The following SHLD1 variants were observed in gnomAD, a reference collection of about 807,000 sequenced individuals.
SHLD1 encodes the protein shieldin complex subunit 1.
A neutral mutation model predicts 5.5 loss-of-function variants in SHLD1; 3 were observed. The observed-to-expected ratio is 0.54, with a 90% confidence interval of 0.25 to 1.40. SHLD1 has a LOEUF of 1.40. Ranked by LOEUF, SHLD1 falls within the 40% of genes most tolerant of loss-of-function variation. The pLI is 0.15. For synonymous variants in SHLD1, 92 were observed against 94.3 expected (o/e 0.98, Z 0.14); for missense variants, 210 against 244.4 (o/e 0.86, Z 0.94).
chr20:5,767,017 G>A (rs1984869363), intron 1 of SHLD1, among the ~76,000 whole-genome samples: 2 of 152,178 alleles, frequency 1.3e-5, no homozygotes, highest in African/African-American at 2.4e-5. Context: ...TCTGAAAACT[G>A]TTTCTTTTCC....
chr20:5,766,218 G>A (rs1165542893), intron 1 of SHLD1, among the ~76,000 whole-genome samples: 1 of 152,160 alleles, frequency 6.6e-6, no homozygotes, highest in Non-Finnish European at 1.5e-5. Flanking sequence ...GCCTGGTGCA[G>A]AGGTGTTTGC....
intron 2 of SHLD1, among the ~76,000 whole-genome samples, chr20:5,826,822 A>G (rs2087670953): frequency 6.6e-6 from 1 of 152,166 alleles, no homozygotes; most frequent in Non-Finnish European, 1.5e-5. Context: ...ATTCTGTGAA[A>G]GCCTGGGGAA....
At chr20:5,764,720 A>T (rs182487057) in intron 1 of SHLD1, among the ~76,000 whole-genome samples, 470 of 152,212 alleles carry the variant, frequency 3.1e-3, no homozygotes, top group African/African-American at 0.011. Context: ...AATGTGTTTT[A>T]AAAATATGAT....
intron 2 of SHLD1, among the ~76,000 whole-genome samples, chr20:5,817,969 G>A (rs2087558778): frequency 6.6e-6 from 1 of 152,328 alleles, no homozygotes; most frequent in South Asian, 2.1e-4. Context: ...GGCACATCTT[G>A]CGTCCCTTCT....
At chr20:5,763,684 G>C (rs1457226686) in intron 1 of SHLD1, among the ~76,000 whole-genome samples, 2 of 152,114 alleles carry the variant, frequency 1.3e-5, no homozygotes, top group Non-Finnish European at 2.9e-5. Context: ...AAAAGGCACA[G>C]ACCACCGGCA....
At chr20:5,829,569 A>G (rs1423899418) in intron 2 of SHLD1, among the ~76,000 whole-genome samples, 3 of 152,220 alleles carry the variant, frequency 2.0e-5, no homozygotes, top group African/African-American at 7.2e-5. Flanking sequence ...CTTAGAGAAG[A>G]TTAACTCCGC....
chr20:5,853,432 C>T (rs945710625), intron 2 of SHLD1, among the ~76,000 whole-genome samples: 3 of 151,988 alleles, frequency 2.0e-5, no homozygotes, highest in Non-Finnish European at 2.9e-5. Flanking sequence ...AGCGACAGAT[C>T]GAGACTCCAT....
At chr20:5,775,383 A>G (rs556865931) in intron 2 of SHLD1, among the ~76,000 whole-genome samples, 1 of 152,316 alleles carries the variant, frequency 6.6e-6, no homozygotes, top group African/African-American at 2.4e-5. Flanking sequence ...GAAATACTTC[A>G]AGGCAATGGC....
At chr20:5,819,993 G>T (rs1387461816) in intron 2 of SHLD1, among the ~76,000 whole-genome samples, 1 of 152,158 alleles carries the variant, frequency 6.6e-6, no homozygotes, top group Non-Finnish European at 1.5e-5. Flanking sequence ...GCCCAGACAG[G>T]CTGGAGTGCA....
chr20:5,860,370 A>G (rs1156866019), intron 2 of SHLD1, among the ~76,000 whole-genome samples: 1 of 152,180 alleles, frequency 6.6e-6, no homozygotes. Flanking sequence ...TTTAAAACAA[A>G]GAGCCCTTTT....
chr20:5,863,292 G>T lies in SHLD1; in HGVS notation c.447G>T (p.Arg149=). 1 of 1,614,180 alleles carries T rather than the reference G, an allele frequency of 6.2e-7. No individual in the cohort carries two copies. The highest frequency in any genetic ancestry group is 8.5e-7 in the Non-Finnish European group (1 of 1,180,034). The change falls in exon 3 of 3, where the codon CGG becomes CGT. Residue 149 remains arginine (R), a synonymous_variant. Coordinates refer to ENST00000303142, the MANE Select transcript of SHLD1 (RefSeq NM_152504.4). ...CCCTCCGCAGTTTTCAAATGGCCCG[G>T]GTGATCTTCAACCGGGACGGCTGCT... The part of the protein sequence containing the change: ...KYALRSFQMA[R]VIFNRDGCSV...
chr20:5,780,669 G>T (rs1327280949), intron 2 of SHLD1, among the ~76,000 whole-genome samples: 1 of 152,198 alleles, frequency 6.6e-6, no homozygotes. Context: ...CCTTGCAGCT[G>T]CCCCTGACCA....
intron 2 of SHLD1, among the ~76,000 whole-genome samples, chr20:5,849,687 C>T (rs913318766): frequency 2.6e-5 from 4 of 152,278 alleles, no homozygotes; most frequent in South Asian, 2.1e-4. Context: ...GGGCCGGGCG[C>T]GGTGGCTCAC....
At chr20:5,760,880 T>C (rs1302951563) in intron 1 of SHLD1, among the ~76,000 whole-genome samples, 3 of 152,058 alleles carry the variant, frequency 2.0e-5, no homozygotes, top group African/African-American at 7.2e-5. Context: ...TTGACACTTG[T>C]TCACCTAGAG....
At chr20:5,771,452 G>A (rs1353171635) in intron 1 of SHLD1, among the ~76,000 whole-genome samples, 9 of 152,158 alleles carry the variant, frequency 5.9e-5, no homozygotes, top group Non-Finnish European at 2.9e-5. Context: ...ATGGCTTGGT[G>A]TCACTTGTTT....
chr20:5,772,862 G>T lies in SHLD1; in HGVS notation c.-4G>T. 6.2e-7 allele frequency: 1 copy of T among 1,610,378 alleles called. No homozygotes were observed. On this transcript the variant is annotated splice_region_variant and 5_prime_UTR_variant, in exon 2 of 3. Coordinates refer to ENST00000303142, the MANE Select transcript of SHLD1 (RefSeq NM_152504.4). ...AATTGTTTTCTTTTTTCCATGGCAGGACTATGGCAGCCAGGGACGCCACTT... is the reference window on the plus strand; with the variant it reads ...AATTGTTTTCTTTTTTCCATGGCAGTACTATGGCAGCCAGGGACGCCACTT...
At chr20:5,774,524 T>G (rs1476915859) in intron 2 of SHLD1, among the ~76,000 whole-genome samples, 1 of 152,164 alleles carries the variant, frequency 6.6e-6, no homozygotes, top group African/African-American at 2.4e-5. Context: ...AAAAGAGGTT[T>G]AATTGGCTCA....
intron 1 of SHLD1, among the ~76,000 whole-genome samples, chr20:5,755,693 G>A (rs1377748623): frequency 6.6e-6 from 1 of 151,938 alleles, no homozygotes; most frequent in Non-Finnish European, 1.5e-5. Flanking sequence ...CCCAGTAGCT[G>A]GGATTACAGG....
rs147205300 is a variant in SHLD1 at position 5,812,523 on chromosome 20, C to T, written c.178+39480C>T. 1.9e-4 allele frequency among the ~76,000 whole-genome samples: 29 copies of T among 152,242 alleles called. No individual in the cohort carries two copies. In the East Asian group the frequency reaches 5.2e-3, roughly 27 times the overall value. ...ATTTTTGAACAAGTGAACGAGTGGCCTCTTGTAAGACAACAGAGCCAGAAG... is the reference window on the plus strand; with the variant it reads ...ATTTTTGAACAAGTGAACGAGTGGCTTCTTGTAAGACAACAGAGCCAGAAG... On this transcript the variant is annotated intron_variant, in intron 2 of 2. Coordinates refer to ENST00000303142, the MANE Select transcript of SHLD1 (RefSeq NM_152504.4).
Sources: allele counts gnomAD v4.1 joint callset (sites outside exome capture counted in the v4.1 genomes callset), GRCh38; gene constraint gnomAD v4.1.1; transcripts MANE v1.5; gene names NCBI Gene and HGNC (gene_info 2026-07-23, HGNC 2026-07-21).